The following SCG3 variants were observed in gnomAD, a reference collection of about 807,000 sequenced individuals.
SCG3 encodes the protein secretogranin-3.
In SCG3, 38 loss-of-function variants were observed where a neutral mutation model predicts 56.2. That is an observed-to-expected ratio of 0.68 (90% CI 0.52 to 0.89). SCG3 has a LOEUF of 0.89. Ranked by LOEUF, SCG3 falls within the 40% of genes least tolerant of loss-of-function variation. The pLI is 0.00. For synonymous variants in SCG3, 176 were observed against 184.2 expected (o/e 0.96, Z 0.36); for missense variants, 524 against 540.7 (o/e 0.97, Z 0.31).
At position 51,689,185 on chromosome 15, in the gene SCG3, T is replaced by C. The variant is rs370749587; in HGVS notation, c.541-34T>C. The stretch of plus-strand genomic sequence containing the variant: ...TTTTTTAATAACAAGACTGGGAATA[T>C]AGCAGTTATATATGTTTTGCCTTTT... On this transcript the variant is annotated intron_variant, in intron 5 of 11. Transcript: ENST00000220478. 2.6e-5 allele frequency: 42 copies of C among 1,600,884 alleles called. No homozygotes were observed. The African/African-American group carries it at 4.4e-4, about 17-fold the overall frequency.
At chr15:51,682,293 G>T (rs2055199819) in intron 1 of SCG3, among the ~76,000 whole-genome samples, 1 of 151,532 alleles carries the variant, frequency 6.6e-6, no homozygotes, top group Non-Finnish European at 1.5e-5. Flanking sequence ...AAAAAAGTGT[G>T]ATTCTGTCAG....
chr15:51,688,999 A>G (rs1385573619), intron 5 of SCG3, among the ~76,000 whole-genome samples: 2 of 152,172 alleles, frequency 1.3e-5, no homozygotes, highest in African/African-American at 4.8e-5. Flanking sequence ...GATAGAACTA[A>G]CAGCTTGCAT....
rs2305713 is a variant in SCG3 at position 51,688,416 on chromosome 15, T to A, written c.540+14T>A. The A allele has an allele frequency of 7.2e-3, 11,551 of 1,611,360 alleles. 435 individuals carry two copies. In the East Asian group the frequency reaches 0.11, roughly 15 times the overall value. On this transcript the variant is annotated intron_variant, in intron 5 of 11. Coordinates refer to ENST00000220478, the MANE Select transcript of SCG3 (RefSeq NM_013243.4). ...AATCTCGGCCTTGTAAGTCATTTGG[T>A]AGGAAATAAACCAAATTCCTAGTGC...
chr15:51,689,132 A>G (rs1245801576), intron 5 of SCG3, 87 bp from the exon 6 acceptor site: 1 of 1,361,564 alleles, frequency 7.3e-7, no homozygotes, highest in East Asian at 2.3e-5. Context: ...TAAAAAATAC[A>G]TGTTTGACTA....
chr15:51,696,257 A>C (rs1445430609), intron 8 of SCG3, among the ~76,000 whole-genome samples: 9 of 152,226 alleles, frequency 5.9e-5, no homozygotes, highest in Non-Finnish European at 1.2e-4. Flanking sequence ...TTTTATAAAA[A>C]TTTGACTCTA....
intron 10 of SCG3, among the ~76,000 whole-genome samples, chr15:51,705,307 G>A (rs1446589292): frequency 6.6e-6 from 1 of 152,092 alleles, no homozygotes; most frequent in Non-Finnish European, 1.5e-5. Context: ...GTAGGAATGG[G>A]TGCTGACATT....
intron 10 of SCG3, among the ~76,000 whole-genome samples, chr15:51,702,320 G>C (rs981640923): frequency 6.6e-6 from 1 of 151,968 alleles, no homozygotes; most frequent in African/African-American, 2.4e-5. Context: ...ACAGTGGCAC[G>C]ATCTCAGCTC....
At chr15:51,709,686 TATATATA>T (rs1567222263) in intron 10 of SCG3, among the ~76,000 whole-genome samples, 11 of 23,456 alleles carry the variant, frequency 4.7e-4, no homozygotes, top group South Asian at 1.4e-3. Context: ...TATATATATA[TATATATA>T]TATATATATT....
At chr15:51,688,184 C>A in intron 4 of SCG3, 76 bp from the exon 5 acceptor site, 1 of 1,341,024 alleles carries the variant, frequency 7.5e-7, no homozygotes, top group Admixed American at 2.1e-5. Context: ...AAGCGAAGTA[C>A]AGATTATAAG....
At chr15:51,691,941 G>T (rs74015706) in intron 6 of SCG3, among the ~76,000 whole-genome samples, 2,677 of 148,884 alleles carry the variant, frequency 0.018, 46 homozygotes, top group African/African-American at 0.028. Flanking sequence ...TCTTCAGGGG[G>T]TTTTCCCTGA....
chr15:51,701,015 C>A, intron 9 of SCG3, 92 bp from the exon 10 acceptor site: 3 of 1,515,902 alleles, frequency 2.0e-6, no homozygotes, highest in Non-Finnish European at 2.7e-6. Context: ...TGAGCTCAAA[C>A]TGTACCTTGT....
intron 8 of SCG3, among the ~76,000 whole-genome samples, chr15:51,699,117 T>C (rs1018882649): frequency 2.0e-5 from 3 of 152,198 alleles, no homozygotes; most frequent in African/African-American, 7.2e-5. Flanking sequence ...AGGCTGAACT[T>C]GAGGATCTCA....
chr15:51,682,845 T>C (rs1457272203), intron 2 of SCG3, among the ~76,000 whole-genome samples: 1 of 152,220 alleles, frequency 6.6e-6, no homozygotes, highest in Non-Finnish European at 1.5e-5. Flanking sequence ...TTGCCTAATT[T>C]ACCAGAGATT....
At position 51,696,142 on chromosome 15, in the gene SCG3, T is replaced by C. The variant is rs77753811; in HGVS notation, c.985+151T>C. 4.1e-3 allele frequency: 2,608 copies of C among 641,134 alleles called. 82 individuals are homozygous for C. The East Asian group carries it at 0.06, about 15-fold the overall frequency. The allele number at this position is 641,134 out of a possible 1,614,324, so 39.7% of individuals were successfully genotyped here. ...CGACCAGTTTGATAATATATACAAA[T>C]AAAATTAACTTTTTCAACTTGTCTT... On this transcript the variant is annotated intron_variant, in intron 8 of 11. Coordinates refer to ENST00000220478, the MANE Select transcript of SCG3 (RefSeq NM_013243.4).
At position 51,692,911 on chromosome 15, in the gene SCG3, A is replaced by T. The variant is rs79582726; in HGVS notation, c.868+575A>T. 2.7e-3 allele frequency among the ~76,000 whole-genome samples: 417 copies of T among 151,704 alleles called. 21 individuals are homozygous for T. The East Asian group carries it at 0.065, about 24-fold the overall frequency. The stretch of plus-strand genomic sequence containing the variant: ...TGTGTGTGTGATGAGAACACTTAAG[A>T]CCTACCCTCTTAGCTAATTTCAAGT... On this transcript the variant is annotated intron_variant, in intron 7 of 11. Coordinates refer to ENST00000220478, the MANE Select transcript of SCG3 (RefSeq NM_013243.4).
At chr15:51,710,770 T>TTG (rs2055415685) in intron 10 of SCG3, among the ~76,000 whole-genome samples, 1 of 135,772 alleles carries the variant, frequency 7.4e-6, no homozygotes, top group African/African-American at 2.6e-5. Context: ...TTTTTTTTTT[T>TTG]TTTTTGGTAG....
intron 11 of SCG3, among the ~76,000 whole-genome samples, chr15:51,714,204 G>A: frequency 6.6e-6 from 1 of 152,168 alleles, no homozygotes; most frequent in East Asian, 1.9e-4. Context: ...TGGGAAGTGG[G>A]CAGTAGCCAT....
At chr15:51,698,036 G>A (rs1372940219) in intron 8 of SCG3, among the ~76,000 whole-genome samples, 1 of 152,096 alleles carries the variant, frequency 6.6e-6, no homozygotes, top group East Asian at 1.9e-4. Context: ...TTCTATTCTG[G>A]CCTCAACAGT....
Position 51,687,381 on chromosome 15 carries a change from T to C in SCG3, c.398-879T>C, listed in dbSNP as rs141305498. On this transcript the variant is annotated intron_variant, in intron 4 of 11. Coordinates refer to ENST00000220478, the MANE Select transcript of SCG3 (RefSeq NM_013243.4). Reference sequence around the variant, plus strand: ...TGCATTGTAAATTTGATCCATTCAATGTAGTATAGATTGGAGATGACTAAT... The same window carrying C: ...TGCATTGTAAATTTGATCCATTCAACGTAGTATAGATTGGAGATGACTAAT... 4.8e-3 allele frequency among the ~76,000 whole-genome samples: 735 copies of C among 152,314 alleles called. 5 individuals carry two copies. Among genetic ancestry groups the C allele is most frequent in the Middle Eastern group, 0.01 (3 of 294 alleles).
Sources: allele counts gnomAD v4.1 joint callset (sites outside exome capture counted in the v4.1 genomes callset), GRCh38; gene constraint gnomAD v4.1.1; transcripts MANE v1.5; gene names NCBI Gene and HGNC (gene_info 2026-07-23, HGNC 2026-07-21).